Variants in NRG1 observed in about 807,000 individuals in gnomAD.
NRG1 encodes the protein neuregulin 1.
Under a neutral mutation model 63.8 loss-of-function variants are expected in NRG1, and 18 were observed. The ratio of observed to expected loss-of-function variants is 0.28; its 90% CI spans 0.19 to 0.42. The LOEUF is 0.42. NRG1 is among the 10% of genes least tolerant of loss of function. The probability of loss-of-function intolerance (pLI) is 1.00; values close to 1 mark genes in which losing one functional copy is unlikely to be tolerated. For synonymous variants in NRG1, 302 were observed against 301.3 expected, an observed-to-expected ratio of 1.00 and a Z score of -0.02; for missense variants, 762 against 814.7, an observed-to-expected ratio of 0.94 and a Z score of 0.79.
chr8:32,156,419 A>G (rs1207342558), intron 1 of NRG1, among the ~76,000 whole-genome samples: 1 of 152,172 alleles, frequency 6.6e-6, no homozygotes, highest in Admixed American at 6.5e-5. Flanking sequence ...TTTTTAGATT[A>G]TGCTTTGCTT....
intron 1 of NRG1, among the ~76,000 whole-genome samples, chr8:32,111,087 A>C (rs1831957809): frequency 6.6e-6 from 1 of 151,982 alleles, no homozygotes; most frequent in African/African-American, 2.4e-5. Flanking sequence ...TTCTTCCCTA[A>C]GGTATCATTT....
intron 1 of NRG1, among the ~76,000 whole-genome samples, chr8:31,831,273 T>A (rs535930815): frequency 2.2e-4 from 33 of 152,048 alleles, no homozygotes; most frequent in Non-Finnish European, 4.0e-4. Context: ...GGCTAATTTT[T>A]TTTGTTTTTA....
At chr8:32,289,251 TTC>T (rs1853909042) in intron 1 of NRG1, among the ~76,000 whole-genome samples, 1 of 152,168 alleles carries the variant, frequency 6.6e-6, no homozygotes, top group African/African-American at 2.4e-5. Flanking sequence ...CTGATTTCTG[TTC>T]TCTCAGATTC....
intron 1 of NRG1, among the ~76,000 whole-genome samples, chr8:31,666,735 T>C (rs541219456): frequency 6.6e-6 from 1 of 152,196 alleles, no homozygotes; most frequent in Non-Finnish European, 1.5e-5. Flanking sequence ...CTAGATGAAA[T>C]TGAATGCTAC....
intron 1 of NRG1, among the ~76,000 whole-genome samples, chr8:31,902,539 ATACT>A (rs1309183178): frequency 6.6e-6 from 1 of 152,198 alleles, no homozygotes; most frequent in Non-Finnish European, 1.5e-5. Context: ...CAAAAGTTAA[ATACT>A]TACCAGGCTA....
chr8:32,072,063 G>A (rs1265665643), intron 1 of NRG1, among the ~76,000 whole-genome samples: 1 of 151,936 alleles, frequency 6.6e-6, no homozygotes, highest in Non-Finnish European at 1.5e-5. Flanking sequence ...GAAAAGATAT[G>A]CCACATAACC....
intron 5 of NRG1, among the ~76,000 whole-genome samples, chr8:32,695,974 C>T (rs1292179002): frequency 1.3e-5 from 2 of 152,230 alleles, no homozygotes; most frequent in East Asian, 1.9e-4. Context: ...TCAATGAAAG[C>T]GACCACAAAA....
intron 1 of NRG1, among the ~76,000 whole-genome samples, chr8:31,928,407 A>G (rs1486007786): frequency 6.6e-6 from 1 of 151,386 alleles, no homozygotes; most frequent in Non-Finnish European, 1.5e-5. Context: ...TGGGAATGTA[A>G]ATTAGTACAA....
intron 1 of NRG1, among the ~76,000 whole-genome samples, chr8:31,862,287 A>C (rs1161754487): frequency 6.6e-6 from 1 of 152,164 alleles, no homozygotes; most frequent in East Asian, 1.9e-4. Flanking sequence ...GTAAGGAAAC[A>C]TTTTTAAATG....
intron 1 of NRG1, among the ~76,000 whole-genome samples, chr8:31,785,294 C>G (rs7820929): frequency 0.75 from 114,007 of 151,982 alleles, 43,205 homozygotes; most frequent in East Asian, 0.99. Flanking sequence ...TTGAAGCATT[C>G]ACCAGAGCAT....
intron 1 of NRG1, among the ~76,000 whole-genome samples, chr8:32,358,385 A>C (rs1216967568): frequency 2.6e-5 from 4 of 151,682 alleles, no homozygotes; most frequent in Non-Finnish European, 5.9e-5. Context: ...AAAAAAAAAA[A>C]AAAAAACCAT....
intron 1 of NRG1, among the ~76,000 whole-genome samples, chr8:32,179,027 C>T (rs1841126483): frequency 6.6e-6 from 1 of 151,816 alleles, no homozygotes; most frequent in Non-Finnish European, 1.5e-5. Flanking sequence ...TTGGTTTCTG[C>T]AGATCCATTT....
At chr8:32,448,171 T>G (rs1820508771) in intron 1 of NRG1, among the ~76,000 whole-genome samples, 2 of 152,194 alleles carry the variant, frequency 1.3e-5, no homozygotes, top group South Asian at 4.1e-4. Context: ...CATTGTTACT[T>G]TTAATATCAC....
At chr8:32,128,333 A>G (rs945074405) in intron 1 of NRG1, among the ~76,000 whole-genome samples, 1 of 151,946 alleles carries the variant, frequency 6.6e-6, no homozygotes, top group African/African-American at 2.4e-5. Context: ...AATTTTAATT[A>G]GAGGGCAATG....
intron 1 of NRG1, among the ~76,000 whole-genome samples, chr8:32,238,333 C>A (rs532437595): frequency 3.7e-4 from 56 of 151,948 alleles, no homozygotes; most frequent in African/African-American, 1.4e-3. Flanking sequence ...GTGACATGCA[C>A]CTATAGTCCC....
rs115987175 is a variant in NRG1, at chr8:31,655,444, G to A, written c.37+16013G>A. 3.0e-3 allele frequency among the ~76,000 whole-genome samples: 458 copies of A among 152,294 alleles called. 1 individual carries two copies. Among genetic ancestry groups the A allele is most frequent in the African/African-American group, 0.011 (442 of 41,586 alleles). On this transcript the variant is annotated intron_variant, in intron 1 of 10. Coordinates refer to the NRG1 transcript ENST00000519301. ...GAAAGAAGCATTTCTGTTAGGGTAG[G>A]GAGGAGGGGAAAGGAGGAGAGGAAA...
At chr8:32,645,995 T>C (rs769186522) in intron 5 of NRG1, among the ~76,000 whole-genome samples, 2 of 152,200 alleles carry the variant, frequency 1.3e-5, no homozygotes, top group Non-Finnish European at 2.9e-5. Flanking sequence ...TTCAGTGCGG[T>C]GATAGCTGAG....
chr8:32,529,760 G>C (rs1831252705), intron 1 of NRG1, among the ~76,000 whole-genome samples: 1 of 152,128 alleles, frequency 6.6e-6, no homozygotes, highest in Non-Finnish European at 1.5e-5. Flanking sequence ...AAAAAGTCCA[G>C]GGACAGTAAC....
chr8:32,544,215 G>C (rs2129521667), upstream of NRG1, among the ~76,000 whole-genome samples: 1 of 152,128 alleles, frequency 6.6e-6, no homozygotes, highest in Middle Eastern at 3.4e-3. Flanking sequence ...CATAAGCTAA[G>C]GAAGCTTACT....
Sources: allele counts gnomAD v4.1 joint callset (sites outside exome capture counted in the v4.1 genomes callset), GRCh38; gene constraint gnomAD v4.1.1; transcripts MANE v1.5; gene names NCBI Gene and HGNC (gene_info 2026-07-23, HGNC 2026-07-21).